The following RUNX2 variants were observed in gnomAD, a reference collection of about 807,000 sequenced individuals.
RUNX2 encodes RUNX family transcription factor 2.
RUNX2 carries 10 observed loss-of-function variants against 51.7 expected under a neutral mutation model. The ratio of observed to expected loss-of-function variants is 0.19; its 90% CI spans 0.12 to 0.33. The LOEUF (loss-of-function observed/expected upper bound fraction) is 0.33. Among genes scored for constraint, RUNX2 ranks in the 10% least tolerant of loss-of-function variants. The pLI is 1.00. For synonymous variants in RUNX2, 276 were observed against 273.6 expected, an observed-to-expected ratio of 1.01 and a Z score of -0.09; for missense variants, 562 against 691.3, an observed-to-expected ratio of 0.81 and a Z score of 2.10.
intron 3 of RUNX2, among the ~76,000 whole-genome samples, chr6:45,425,146 T>A (rs1459917283): frequency 2.6e-5 from 4 of 152,032 alleles, no homozygotes; most frequent in Non-Finnish European, 5.9e-5. Context: ...AATCAGAATA[T>A]GTGAAAATAT....
At chr6:45,486,012 T>G (rs990097800) in intron 5 of RUNX2, among the ~76,000 whole-genome samples, 4 of 152,120 alleles carry the variant, frequency 2.6e-5, no homozygotes, top group African/African-American at 9.7e-5. Flanking sequence ...ACCTTTTATT[T>G]ATTTTTTGGC....
intron 7 of RUNX2, among the ~76,000 whole-genome samples, chr6:45,515,701 CATT>C (rs967345858): frequency 6.6e-6 from 1 of 152,032 alleles, no homozygotes; most frequent in African/African-American, 2.4e-5. Flanking sequence ...AAATGTTTCC[CATT>C]ATTATTATTA....
intron 2 of RUNX2, among the ~76,000 whole-genome samples, chr6:45,382,498 G>A (rs764415202): frequency 2.0e-5 from 3 of 152,330 alleles, no homozygotes; most frequent in Non-Finnish European, 2.9e-5. Flanking sequence ...TGACTTGAAA[G>A]TGAAGGAGAT....
chr6:45,425,036 C>T (rs1256698149), intron 3 of RUNX2, among the ~76,000 whole-genome samples: 1 of 152,026 alleles, frequency 6.6e-6, no homozygotes, highest in African/African-American at 2.4e-5. Flanking sequence ...TCCACCAACG[C>T]CCTCCAATCC....
At chr6:45,424,380 G>A (rs1440525158) in intron 3 of RUNX2, among the ~76,000 whole-genome samples, 1 of 152,316 alleles carries the variant, frequency 6.6e-6, no homozygotes, top group East Asian at 1.9e-4. Flanking sequence ...GTCCACACTC[G>A]CAAGACGCCA....
At chr6:45,474,225 G>A (rs1416476095) in intron 5 of RUNX2, among the ~76,000 whole-genome samples, 1 of 151,400 alleles carries the variant, frequency 6.6e-6, no homozygotes, top group Non-Finnish European at 1.5e-5. Context: ...ATTTGTCACA[G>A]TGCTATTGTG....
intron 2 of RUNX2, among the ~76,000 whole-genome samples, chr6:45,336,848 T>A (rs1213497253): frequency 6.6e-6 from 1 of 151,574 alleles, no homozygotes; most frequent in Non-Finnish European, 1.5e-5. Flanking sequence ...TTCAAATACA[T>A]GGTCAATTCA....
At chr6:45,440,087 A>G (rs886514774) in intron 5 of RUNX2, among the ~76,000 whole-genome samples, 6 of 152,204 alleles carry the variant, frequency 3.9e-5, no homozygotes, top group Non-Finnish European at 8.8e-5. Context: ...CACCTGCCCT[A>G]GATAAGCCTG....
At chr6:45,333,728 G>A (rs765482130) in intron 2 of RUNX2, among the ~76,000 whole-genome samples, 101 of 151,130 alleles carry the variant, frequency 6.7e-4, no homozygotes, top group Admixed American at 2.6e-3. Flanking sequence ...GGCCTTTAAA[G>A]GCTAGTTGCT....
chr6:45,547,166 C>T lies in RUNX2; in HGVS notation c.1427C>T (p.Thr476Ile), dbSNP rs1319186519. ...PSRMLPPCTT[T>I]SNGSTLLNPN... Reference sequence around the variant, plus strand: ...AGAATGCTTCCGCCATGCACCACCACCTCGAATGGCAGCACGCTATTAAAT... The same window carrying T: ...AGAATGCTTCCGCCATGCACCACCATCTCGAATGGCAGCACGCTATTAAAT... Residue 476 changes from threonine (T) to isoleucine (I), a missense_variant, in exon 9 of 9, where the codon ACC (threonine) becomes ATC (isoleucine). Transcript: ENST00000647337. The T allele has an allele frequency of 1.9e-6, 3 of 1,614,068 alleles. No homozygotes were observed. The highest frequency in any genetic ancestry group is 2.5e-6 in the Non-Finnish European group (3 of 1,180,046).
At chr6:45,379,324 A>G (rs572466126) in intron 2 of RUNX2, among the ~76,000 whole-genome samples, 4 of 152,232 alleles carry the variant, frequency 2.6e-5, no homozygotes, top group Non-Finnish European at 5.9e-5. Flanking sequence ...ACATGGGAAG[A>G]CTGGTTGAAA....
intron 5 of RUNX2, among the ~76,000 whole-genome samples, chr6:45,442,650 T>C (rs1798874297): frequency 6.6e-6 from 1 of 152,228 alleles, no homozygotes; most frequent in Non-Finnish European, 1.5e-5. Flanking sequence ...TTTTTAGTTG[T>C]CTATTACTAA....
In RUNX2 at chr6:45,510,379, C is replaced by A. The variant is rs151208475; in HGVS notation, c.860-1867C>A. Among the ~76,000 whole-genome samples the A allele has an allele frequency of 2.3e-4, 35 of 152,154 alleles. No individual in the cohort carries two copies. In the East Asian group the frequency reaches 4.1e-3, roughly 18 times the overall value. The stretch of plus-strand genomic sequence containing the variant: ...GTATATGTCAATGTCAGTAAACATC[C>A]GATAAATATCCAGGTGTGTTTAATT... On this transcript the variant is annotated intron_variant, in intron 6 of 8. Coordinates refer to ENST00000647337, the MANE Select transcript of RUNX2 (RefSeq NM_001024630.4).
intron 6 of RUNX2, among the ~76,000 whole-genome samples, chr6:45,511,284 T>G (rs185185105): frequency 1.3e-5 from 2 of 152,352 alleles, no homozygotes; most frequent in African/African-American, 4.8e-5. Flanking sequence ...AAAAATATTG[T>G]TAATGTTCAG....
At chr6:45,413,834 C>G (rs1798006219) in intron 2 of RUNX2, among the ~76,000 whole-genome samples, 1 of 152,064 alleles carries the variant, frequency 6.6e-6, no homozygotes, top group South Asian at 2.1e-4. Context: ...AGCAAGGAAG[C>G]CTGAAATCAC....
At chr6:45,337,693 A>G (rs1788867199) in intron 2 of RUNX2, among the ~76,000 whole-genome samples, 1 of 151,902 alleles carries the variant, frequency 6.6e-6, no homozygotes, top group Non-Finnish European at 1.5e-5. Context: ...GAATGTATTT[A>G]TAATATGATA....
chr6:45,333,632 A>C (rs1344175815), intron 2 of RUNX2, among the ~76,000 whole-genome samples: 2 of 151,440 alleles, frequency 1.3e-5, no homozygotes, highest in African/African-American at 2.4e-5. Context: ...ATCATTTAAC[A>C]TGATATAAAA....
intron 2 of RUNX2, among the ~76,000 whole-genome samples, chr6:45,344,337 AT>A (rs1285372772): frequency 6.6e-6 from 1 of 151,982 alleles, no homozygotes; most frequent in Non-Finnish European, 1.5e-5. Context: ...CTGTATACTT[AT>A]TTTTGCTCTC....
At chr6:45,462,880 C>T (rs1372398756) in intron 5 of RUNX2, among the ~76,000 whole-genome samples, 1 of 152,158 alleles carries the variant, frequency 6.6e-6, no homozygotes, top group East Asian at 1.9e-4. Flanking sequence ...CACAGTGAGT[C>T]GTAGTGTAGT....
Sources: gnomAD v4.1 joint callset for allele counts (sites outside exome capture counted in the v4.1 genomes callset) on GRCh38, gnomAD v4.1.1 for gene constraint, MANE v1.5 for transcripts, NCBI Gene and HGNC (gene_info 2026-07-23, HGNC 2026-07-21) for gene names.